The following WWOX variants were observed in gnomAD, a reference collection of about 807,000 sequenced individuals.
The protein encoded by WWOX is WW domain containing oxidoreductase.
Under a neutral mutation model 46.2 loss-of-function variants are expected in WWOX, and 69 were observed. The observed-to-expected ratio is 1.49, with a 90% CI of 1.23 to 1.82. The LOEUF is 1.82. Ranked by LOEUF, WWOX falls within the 40% of genes most tolerant of loss-of-function variation. The pLI is 0.00. For missense variants in WWOX, 919 were observed against 542.6 expected (o/e 1.69, Z -6.89); for synonymous variants, 359 against 202.6 (o/e 1.77, Z -6.56).
intron 5 of WWOX, among the ~76,000 whole-genome samples, chr16:78,313,107 C>T (rs181244346): frequency 3.8e-3 from 576 of 152,306 alleles, no homozygotes; most frequent in Middle Eastern, 0.014. Flanking sequence ...TAAAGAATAA[C>T]AGGAAAATCC....
Position 78,337,926 on chromosome 16 carries a change from C to T in WWOX, c.517-48934C>T, listed in dbSNP as rs1036967841. 2.5e-5 allele frequency among the ~76,000 whole-genome samples: 3 copies of T among 120,450 alleles called. 1 individual carries two copies. Among genetic ancestry groups the T allele is most frequent in the South Asian group, 2.5e-4 (1 of 4,006 alleles). 79.0% of individuals were successfully genotyped at this position (120,450 alleles called of 152,430 possible). A position where few individuals can be genotyped will look rare whatever the true frequency, so the allele number is the denominator to read the frequency against. On this transcript the variant is annotated intron_variant, in intron 5 of 8. Transcript: ENST00000566780. The stretch of plus-strand genomic sequence containing the variant: ...CTGGCAGTGCCTGTCCTGCTAACCT[C>T]GTGTCTCTTGCTGGGGTCTTCATCA...
At chr16:78,220,298 G>A (rs2036847443) in intron 5 of WWOX, among the ~76,000 whole-genome samples, 2 of 152,106 alleles carry the variant, frequency 1.3e-5, no homozygotes, top group South Asian at 2.1e-4. Context: ...ATGTCTTTCT[G>A]ATTTCATACA....
intron 5 of WWOX, among the ~76,000 whole-genome samples, chr16:78,361,434 G>A (rs184691115): frequency 1.8e-4 from 28 of 152,220 alleles, no homozygotes; most frequent in African/African-American, 6.7e-4. Flanking sequence ...AGATGATGCT[G>A]GCAGCCCCGT....
chr16:79,176,921 G>A (rs554112586), intron 8 of WWOX, among the ~76,000 whole-genome samples: 1 of 152,218 alleles, frequency 6.6e-6, no homozygotes, highest in South Asian at 2.1e-4. Context: ...CCCTTCCTGT[G>A]AAATGCACCC....
chr16:78,780,645 C>T (rs79635852), intron 8 of WWOX, among the ~76,000 whole-genome samples: 2,582 of 152,166 alleles, frequency 0.017, 69 homozygotes, highest in African/African-American at 0.059. Flanking sequence ...GATGTTTGAA[C>T]TTAAGAATCA....
intron 8 of WWOX, among the ~76,000 whole-genome samples, chr16:78,494,840 A>G (rs565621054): frequency 2.0e-5 from 3 of 152,278 alleles, no homozygotes; most frequent in Non-Finnish European, 2.9e-5. Context: ...AGGCCTGTCA[A>G]TTGAGTAAGA....
intron 8 of WWOX, among the ~76,000 whole-genome samples, chr16:78,721,566 C>T (rs752305482): frequency 2.0e-5 from 3 of 152,064 alleles, no homozygotes; most frequent in Non-Finnish European, 4.4e-5. Flanking sequence ...AATGGTAAGC[C>T]TAGGGCAGCC....
chr16:78,637,848 T>G (rs985159546), intron 8 of WWOX, among the ~76,000 whole-genome samples: 2 of 152,172 alleles, frequency 1.3e-5, no homozygotes, highest in Non-Finnish European at 2.9e-5. Flanking sequence ...GTCTCCACTT[T>G]CCAGCCTTTG....
intron 8 of WWOX, among the ~76,000 whole-genome samples, chr16:78,617,980 A>G (rs1237539639): frequency 6.6e-6 from 1 of 152,224 alleles, no homozygotes. Flanking sequence ...ATTCATATGA[A>G]TAATGTTAAC....
intron 5 of WWOX, among the ~76,000 whole-genome samples, chr16:78,353,479 T>G (rs2081223459): frequency 6.6e-6 from 1 of 152,192 alleles, no homozygotes. Flanking sequence ...TGTAAGATGT[T>G]CAATACGTAG....
intron 8 of WWOX, among the ~76,000 whole-genome samples, chr16:78,778,110 A>G (rs182460005): frequency 2.3e-3 from 342 of 151,974 alleles, no homozygotes; most frequent in Non-Finnish European, 6.8e-4. Context: ...GCCTATCCCA[A>G]GGATGGGAAG....
At chr16:78,280,225 C>T (rs1392009100) in intron 5 of WWOX, among the ~76,000 whole-genome samples, 2 of 152,138 alleles carry the variant, frequency 1.3e-5, no homozygotes. Flanking sequence ...CTTTATCGTC[C>T]ATTGCTGGGC....
intron 8 of WWOX, among the ~76,000 whole-genome samples, chr16:78,799,708 T>C (rs754071198): frequency 5.9e-5 from 9 of 152,116 alleles, no homozygotes; most frequent in Non-Finnish European, 5.9e-5. Flanking sequence ...TCTCTAATAT[T>C]GTCCAAAAAC....
chr16:78,368,700 C>T (rs1057437677), intron 5 of WWOX, among the ~76,000 whole-genome samples: 1 of 152,234 alleles, frequency 6.6e-6, no homozygotes, highest in African/African-American at 2.4e-5. Context: ...TCCCCTCCCC[C>T]CTCTAATGCT....
intron 8 of WWOX, among the ~76,000 whole-genome samples, chr16:78,680,125 C>T (rs9925023): frequency 2.0e-4 from 30 of 152,274 alleles, no homozygotes; most frequent in Admixed American, 2.0e-3. Context: ...GAAAAGGTAT[C>T]TAGGCTGGGC....
intron 8 of WWOX, among the ~76,000 whole-genome samples, chr16:78,867,765 C>G (rs1239942378): frequency 1.3e-5 from 2 of 152,088 alleles, no homozygotes; most frequent in African/African-American, 2.4e-5. Context: ...AATTGTGGAA[C>G]TAATTTTTAT....
At chr16:78,860,220 T>C (rs1349949125) in intron 8 of WWOX, among the ~76,000 whole-genome samples, 1 of 152,228 alleles carries the variant, frequency 6.6e-6, no homozygotes, top group Non-Finnish European at 1.5e-5. Flanking sequence ...TGTGCTATTA[T>C]TTATACTATT....
At chr16:78,553,367 G>C (rs2044218185) in intron 8 of WWOX, 1 of 152,188 alleles carries the variant, frequency 6.6e-6, no homozygotes, top group Admixed American at 6.5e-5. Context: ...TGGCTGGCTT[G>C]GGTCATTTCC....
In WWOX at chr16:79,211,897, C is replaced by T; in HGVS notation, c.*101C>T. 6.4e-7 allele frequency: 1 copy of T among 1,563,446 alleles called. No homozygotes were observed. The highest frequency in any genetic ancestry group is 8.6e-7 in the Non-Finnish European group (1 of 1,158,030). On this transcript the variant is annotated 3_prime_UTR_variant, in exon 9 of 9. Transcript: ENST00000566780. Reference sequence around the variant, plus strand: ...TTCCAAATGTCCCTCCAACACAGATCCGCAAGAGTAAAGGAAATAAGAGCA... The same window carrying T: ...TTCCAAATGTCCCTCCAACACAGATTCGCAAGAGTAAAGGAAATAAGAGCA...
Sources: allele counts gnomAD v4.1 joint callset (sites outside exome capture counted in the v4.1 genomes callset), GRCh38; gene constraint gnomAD v4.1.1; transcripts MANE v1.5; gene names NCBI Gene and HGNC (gene_info 2026-07-23, HGNC 2026-07-21).